PSD3: variants seen among roughly 807,000 people sequenced by gnomAD.
PSD3 encodes pleckstrin and Sec7 domain containing 3.
In PSD3, 49 loss-of-function variants were observed where a neutral mutation model predicts 105.5. The observed-to-expected ratio is 0.46, with a 90% CI of 0.37 to 0.59. The LOEUF (loss-of-function observed/expected upper bound fraction) is 0.59, where lower values mean the gene tolerates loss of function less well. Among genes scored for constraint, PSD3 ranks in the 20% least tolerant of loss-of-function variants. The probability of loss-of-function intolerance (pLI) is 0.00; values close to 1 mark genes in which losing one functional copy is unlikely to be tolerated. For missense variants in PSD3, 1,561 were observed against 1,263.8 expected (o/e 1.24, Z -3.57); for synonymous variants, 557 against 457.8 (o/e 1.22, Z -2.77).
At chr8:18,669,396 T>G (rs1365057409) in intron 9 of PSD3, among the ~76,000 whole-genome samples, 1 of 152,140 alleles carries the variant, frequency 6.6e-6, no homozygotes, top group African/African-American at 2.4e-5. Flanking sequence ...AGAAAGAAAT[T>G]AACAATAACT....
intron 4 of PSD3, among the ~76,000 whole-genome samples, chr8:18,839,052 G>C (rs575524218): frequency 6.6e-5 from 10 of 151,600 alleles, no homozygotes; most frequent in Non-Finnish European, 1.2e-4. Context: ...GCAGAAGGGA[G>C]AGGCCTTTAA....
chr8:18,590,396 G>A (rs961780129), intron 12 of PSD3, among the ~76,000 whole-genome samples: 1 of 152,000 alleles, frequency 6.6e-6, no homozygotes, highest in African/African-American at 2.4e-5. Context: ...TGTAAAGAGT[G>A]GAAGGACATG....
intron 15 of PSD3, among the ~76,000 whole-genome samples, chr8:18,546,203 G>T (rs1056073534): frequency 6.6e-6 from 1 of 152,086 alleles, no homozygotes; most frequent in South Asian, 2.1e-4. Flanking sequence ...TGCCATGTTC[G>T]CCATGCTGGT....
intron 8 of PSD3, among the ~76,000 whole-genome samples, chr8:18,773,414 C>A (rs1007043086): frequency 2.0e-5 from 3 of 151,868 alleles, no homozygotes; most frequent in Non-Finnish European, 4.4e-5. Context: ...AAATAACATA[C>A]GAGTACTCTA....
chr8:18,962,011 C>T (rs961070554), intron 1 of PSD3, among the ~76,000 whole-genome samples: 3 of 152,010 alleles, frequency 2.0e-5, no homozygotes, highest in East Asian at 1.9e-4. Flanking sequence ...TTTGGGAGAC[C>T]GAGGCATGCG....
At position 18,610,984 on chromosome 8, in the gene PSD3, T is replaced by A. The variant is rs532157633; in HGVS notation, c.2411-10550A>T. 7.2e-5 allele frequency among the ~76,000 whole-genome samples: 11 copies of A among 152,330 alleles called. No individual in the cohort carries two copies. In the South Asian group the frequency reaches 2.3e-3, roughly 32 times the overall value. The stretch of plus-strand genomic sequence containing the variant: ...ATGTGCCATAATTACTTTATAATGT[T>A]GTTGAGTTAATCTGGGTACATAAGA... On this transcript the variant is annotated intron_variant, in intron 11 of 15. Transcript: ENST00000327040.
rs374965772 is a variant in PSD3 at position 18,758,733 on chromosome 8, C to G, written c.2172+6716G>C. ...AATTCTACCTTCTTGGCTAATTACTCCATCATTTTCACAAATTATTTTTCC... is the reference window on the plus strand; with the variant it reads ...AATTCTACCTTCTTGGCTAATTACTGCATCATTTTCACAAATTATTTTTCC... On this transcript the variant is annotated intron_variant, in intron 9 of 15. Coordinates refer to ENST00000327040, the MANE Select transcript of PSD3 (RefSeq NM_015310.4). Among the ~76,000 whole-genome samples the G allele has an allele frequency of 1.3e-4, 20 of 152,118 alleles. No individual in the cohort carries two copies. In the South Asian group the frequency reaches 4.0e-3, roughly 30 times the overall value.
In PSD3 at chr8:18,936,038, A is replaced by T; in HGVS notation, c.126T>A (p.Asp42Glu). The change falls in exon 2 of 16, where the codon GAT becomes GAA. Residue 42 changes from aspartate (D) to glutamate (E), a missense_variant. Physicochemically the swap from Asp to Glu is conservative, Grantham distance 45 (BLOSUM62 2). Coordinates refer to ENST00000327040, the MANE Select transcript of PSD3 (RefSeq NM_015310.4). ...GGGATATGAGGAAATACTTACTAGT[A>T]TCTGGAGCTTTCCCTTCAGATCTGC... The part of the protein sequence containing the change: ...LFGRSEGKAP[D>E]TSDHGGSTLL... 1 of 1,602,710 alleles carries T rather than the reference A, an allele frequency of 6.2e-7. No homozygotes were observed. The highest frequency in any genetic ancestry group is 8.5e-7 in the Non-Finnish European group (1 of 1,170,250).
intron 1 of PSD3, among the ~76,000 whole-genome samples, chr8:18,962,088 A>T (rs1823962294): frequency 1.3e-5 from 2 of 152,092 alleles, no homozygotes; most frequent in South Asian, 4.1e-4. Flanking sequence ...TCAACTAAAA[A>T]TACAAAAATT....
At chr8:18,862,111 T>C (rs550906243) in intron 4 of PSD3, among the ~76,000 whole-genome samples, 1 of 152,334 alleles carries the variant, frequency 6.6e-6, no homozygotes, top group Admixed American at 6.5e-5. Context: ...TTTAATGAGC[T>C]CCTACTGGGT....
At chr8:18,704,011 G>A (rs1801742192) in intron 9 of PSD3, among the ~76,000 whole-genome samples, 1 of 152,150 alleles carries the variant, frequency 6.6e-6, no homozygotes, top group Non-Finnish European at 1.5e-5. Flanking sequence ...CTTCCTGGCA[G>A]ATAAGATCTT....
rs183117448 is a variant in PSD3, at chr8:18,550,860, G to T, written c.2928+5349C>A. Among the ~76,000 whole-genome samples, 46 of 152,272 alleles carry T rather than the reference G, an allele frequency of 3.0e-4. No individual in the cohort carries two copies. The East Asian group carries it at 6.6e-3, about 22-fold the overall frequency. On this transcript the variant is annotated intron_variant, in intron 15 of 15. Coordinates refer to ENST00000327040, the MANE Select transcript of PSD3 (RefSeq NM_015310.4). Reference sequence around the variant, plus strand: ...CTACACTATCTCAGTTCCAGATCCAGATGTATAATCACCTCTGTCATGTCT... The same window carrying T: ...CTACACTATCTCAGTTCCAGATCCATATGTATAATCACCTCTGTCATGTCT...
intron 6 of PSD3, chr8:18,802,247 G>T: frequency 8.0e-6 from 2 of 249,860 alleles, no homozygotes; most frequent in Non-Finnish European, 1.7e-5. Flanking sequence ...TTAAATTATA[G>T]GAAGTGTATC....
intron 4 of PSD3, among the ~76,000 whole-genome samples, chr8:18,864,425 A>C (rs1816675332): frequency 6.6e-6 from 1 of 152,258 alleles, no homozygotes; most frequent in Non-Finnish European, 1.5e-5. Context: ...TATGGGCCAC[A>C]TATGACACAC....
intron 9 of PSD3, among the ~76,000 whole-genome samples, chr8:18,761,721 A>G (rs12544207): frequency 0.28 from 41,938 of 152,122 alleles, 8,195 homozygotes; most frequent in African/African-American, 0.53. Flanking sequence ...AATGTTTTAC[A>G]AAATCTATCA....
At chr8:18,767,325 T>C (rs1020978334) in intron 8 of PSD3, among the ~76,000 whole-genome samples, 1 of 152,180 alleles carries the variant, frequency 6.6e-6, no homozygotes, top group Non-Finnish European at 1.5e-5. Flanking sequence ...GGAGGATTTT[T>C]AGGTTCCGTA....
At chr8:18,700,723 T>C (rs558041803) in intron 9 of PSD3, among the ~76,000 whole-genome samples, 4 of 152,150 alleles carry the variant, frequency 2.6e-5, no homozygotes, top group Non-Finnish European at 5.9e-5. Flanking sequence ...TTTCAGTCTT[T>C]TTCTTTCCTT....
chr8:18,769,198 A>C (rs572299052), intron 8 of PSD3, among the ~76,000 whole-genome samples: 6 of 152,196 alleles, frequency 3.9e-5, no homozygotes, highest in Non-Finnish European at 7.3e-5. Context: ...CTAGGTAACA[A>C]ATCTTTTTCC....
chr8:19,052,438 C>T (rs1339531262), intron 1 of PSD3, among the ~76,000 whole-genome samples: 1 of 147,242 alleles, frequency 6.8e-6, no homozygotes, highest in Non-Finnish European at 1.5e-5. Flanking sequence ...CACCACTGCA[C>T]TCCAGCCTGG....
Sources: allele counts gnomAD v4.1 joint callset (sites outside exome capture counted in the v4.1 genomes callset), GRCh38; gene constraint gnomAD v4.1.1; transcripts MANE v1.5; gene names NCBI Gene and HGNC (gene_info 2026-07-23, HGNC 2026-07-21).